VPS53: variants seen among roughly 807,000 people sequenced by gnomAD.
The protein encoded by VPS53 is VPS53 subunit of GARP complex.
A neutral mutation model predicts 107.0 loss-of-function variants in VPS53; 70 were observed. That is an observed-to-expected ratio of 0.65 (90% CI 0.54 to 0.80). VPS53 has a LOEUF of 0.80. Ranked by LOEUF, VPS53 falls within the 30% of genes least tolerant of loss-of-function variation. The probability of loss-of-function intolerance (pLI) is 0.00; values close to 1 mark genes in which losing one functional copy is unlikely to be tolerated. For synonymous variants in VPS53, 409 were observed against 393.3 expected, an observed-to-expected ratio of 1.04 and a Z score of -0.47; for missense variants, 917 against 1,049.4, an observed-to-expected ratio of 0.87 and a Z score of 1.74.
intron 2 of VPS53, among the ~76,000 whole-genome samples, chr17:708,833 T>C (rs1476334452): frequency 6.6e-6 from 1 of 152,234 alleles, no homozygotes; most frequent in African/African-American, 2.4e-5. Flanking sequence ...AGACTAATGA[T>C]TGATAATATC....
At chr17:614,618 G>A (rs1476042745) in intron 11 of VPS53, among the ~76,000 whole-genome samples, 1 of 152,206 alleles carries the variant, frequency 6.6e-6, no homozygotes, top group Non-Finnish European at 1.5e-5. Flanking sequence ...ATGTCCTCAA[G>A]CTGTGGCAGA....
chr17:630,084 G>A (rs1390387092), intron 8 of VPS53, among the ~76,000 whole-genome samples: 1 of 151,956 alleles, frequency 6.6e-6, no homozygotes, highest in Admixed American at 6.6e-5. Flanking sequence ...ACCTGAGGTT[G>A]GGAGTTCGAA....
chr17:667,929 G>A (rs1236886601), intron 4 of VPS53, among the ~76,000 whole-genome samples: 1 of 152,114 alleles, frequency 6.6e-6, no homozygotes, highest in East Asian at 1.9e-4. Context: ...TAGGTTGCAA[G>A]CTCCTTAACA....
At chr17:580,641 C>T (rs1306150127) in intron 13 of VPS53, among the ~76,000 whole-genome samples, 2 of 151,560 alleles carry the variant, frequency 1.3e-5, no homozygotes, top group East Asian at 3.9e-4. Context: ...AGAGAACCTC[C>T]CTCAGGACAG....
chr17:594,535 C>T lies in VPS53; in HGVS notation c.1218+7260G>A, dbSNP rs938500490. 2.0e-5 allele frequency among the ~76,000 whole-genome samples: 3 copies of T among 149,750 alleles called. No homozygotes were observed. The East Asian group carries it at 6.0e-4, about 30-fold the overall frequency. ...TTTAATGATGCACTCTAGTGTCCCC[C>T]CTGGAGGAAGCTGGGAGATGGGAAG... On this transcript the variant is annotated intron_variant, in intron 12 of 21. Transcript: ENST00000437048.
At chr17:614,292 T>G (rs539177535) in intron 11 of VPS53, among the ~76,000 whole-genome samples, 1 of 152,294 alleles carries the variant, frequency 6.6e-6, no homozygotes, top group East Asian at 1.9e-4. Flanking sequence ...ATATCTCAAT[T>G]TTAAAAACTA....
At chr17:703,578 G>A (rs931124585) in intron 2 of VPS53, among the ~76,000 whole-genome samples, 8 of 152,200 alleles carry the variant, frequency 5.3e-5, no homozygotes, top group Admixed American at 1.3e-4. Context: ...CACTCATCTC[G>A]TTTAGTTATA....
At chr17:652,141 C>G (rs1470417784) in intron 7 of VPS53, among the ~76,000 whole-genome samples, 1 of 152,008 alleles carries the variant, frequency 6.6e-6, no homozygotes, top group Non-Finnish European at 1.5e-5. Context: ...ATTACAGGCA[C>G]CTGCCACCAT....
chr17:629,161 C>T (rs1010602155), intron 8 of VPS53, among the ~76,000 whole-genome samples: 1 of 152,154 alleles, frequency 6.6e-6, no homozygotes, highest in Non-Finnish European at 1.5e-5. Context: ...ACTGAAGTTC[C>T]ACGCTTCTAA....
intron 5 of VPS53, among the ~76,000 whole-genome samples, chr17:658,603 G>A (rs1029784615): frequency 9.4e-5 from 13 of 138,948 alleles, no homozygotes; most frequent in Non-Finnish European, 1.8e-4. Flanking sequence ...TGAGAAACTC[G>A]GCAGGGAGTT....
chr17:714,536 T>C (rs2144054193), intron 1 of VPS53, 87 bp downstream of exon 1: 1 of 1,317,076 alleles, frequency 7.6e-7, no homozygotes, highest in East Asian at 2.5e-5. Flanking sequence ...CGGCCCTCCG[T>C]CCACCCGCCG....
chr17:562,788 G>A (rs1461724912), intron 13 of VPS53, 43 bp from the exon 14 acceptor site: 1 of 1,583,062 alleles, frequency 6.3e-7, no homozygotes, highest in Non-Finnish European at 8.6e-7. Flanking sequence ...TTTACTTCAA[G>A]AAAAGTAAAG....
At chr17:552,977 A>G (rs112820329) in intron 16 of VPS53, 34 of 47,252 alleles carry the variant, frequency 7.2e-4, no homozygotes, top group African/African-American at 2.1e-3. Context: ...GCAAGCGTGT[A>G]CAAGGTATAT....
At position 508,998 on chromosome 17, in the gene VPS53, A is replaced by G. The variant is rs1206213443; in HGVS notation, c.*10130T>C. On this transcript the variant is annotated 3_prime_UTR_variant, in exon 22 of 22. Coordinates refer to ENST00000437048, the MANE Select transcript of VPS53 (RefSeq NM_001128159.3). ...TGTAAAATTTTGTCCCATAAATTTG[A>G]AAACTGCTGGTGAAGTACAAAAGGC... 6.6e-6 allele frequency: 1 copy of G among 152,194 alleles called. No homozygotes were observed. The highest frequency in any genetic ancestry group is 2.4e-5 in the African/African-American group (1 of 41,408). The allele number at this position is 152,194 out of a possible 1,614,324, so 9.4% of individuals were successfully genotyped here. A position where few individuals can be genotyped will look rare whatever the true frequency, so the allele number is the denominator to read the frequency against.
chr17:562,311 T>C (rs1341008204), intron 14 of VPS53, among the ~76,000 whole-genome samples, 192 bp downstream of exon 14: 1 of 152,160 alleles, frequency 6.6e-6, no homozygotes, highest in Non-Finnish European at 1.5e-5. Context: ...AGTGTGGACA[T>C]TTCCTCTGAT....
chr17:574,098 A>G (rs1914408847), intron 13 of VPS53, among the ~76,000 whole-genome samples: 2 of 152,176 alleles, frequency 1.3e-5, no homozygotes, highest in South Asian at 2.1e-4. Context: ...TTGTCTGACT[A>G]TCTCTCTTGA....
intron 4 of VPS53, among the ~76,000 whole-genome samples, chr17:670,397 G>A (rs1435023040): frequency 6.6e-6 from 1 of 152,198 alleles, no homozygotes; most frequent in Non-Finnish European, 1.5e-5. Flanking sequence ...GTATTTCTGT[G>A]CATCCTAATG....
chr17:708,668 C>A (rs1297217331), intron 2 of VPS53, among the ~76,000 whole-genome samples: 4 of 152,138 alleles, frequency 2.6e-5, no homozygotes, highest in Non-Finnish European at 5.9e-5. Context: ...GTAACGGGTG[C>A]CTTCCCAGGC....
intron 4 of VPS53, among the ~76,000 whole-genome samples, chr17:694,208 C>A (rs1245522476): frequency 6.6e-6 from 1 of 152,184 alleles, no homozygotes; most frequent in Non-Finnish European, 1.5e-5. Flanking sequence ...ATACAAAGTT[C>A]CATCACAGAT....
Sources: allele counts gnomAD v4.1 joint callset (sites outside exome capture counted in the v4.1 genomes callset), GRCh38; gene constraint gnomAD v4.1.1; transcripts MANE v1.5; gene names NCBI Gene and HGNC (gene_info 2026-07-23, HGNC 2026-07-21).